Variants in DAP3 observed in about 807,000 individuals in gnomAD.
DAP3 encodes the protein death associated protein 3.
In DAP3, 28 loss-of-function variants were observed where a neutral mutation model predicts 51.9. The observed-to-expected ratio is 0.54, with a 90% CI of 0.40 to 0.74. The LOEUF is 0.74. Among genes scored for constraint, DAP3 ranks in the 30% least tolerant of loss-of-function variants. DAP3 has a pLI of 0.00. For synonymous variants in DAP3, 170 were observed against 170.3 expected, an observed-to-expected ratio of 1.00 and a Z score of 0.01; for missense variants, 458 against 483.5, an observed-to-expected ratio of 0.95 and a Z score of 0.49.
chr1:155,695,929 G>A (rs1654455488), intron 1 of DAP3, among the ~76,000 whole-genome samples: 1 of 152,128 alleles, frequency 6.6e-6, no homozygotes, highest in Non-Finnish European at 1.5e-5. Context: ...TTAAGAACTG[G>A]AAAATTTTAT....
chr1:155,729,615 TA>T (rs1486000609), intron 9 of DAP3, among the ~76,000 whole-genome samples: 3 of 151,788 alleles, frequency 2.0e-5, no homozygotes, highest in Non-Finnish European at 2.9e-5. Context: ...CCCCTGCCTC[TA>T]AAAAAATAAG....
Position 155,737,021 on chromosome 1 carries a change from A to T in DAP3, c.1069A>T (p.Ile357Phe). 1 of 1,614,064 alleles carries T rather than the reference A, an allele frequency of 6.2e-7. No homozygotes were observed. The highest frequency in any genetic ancestry group is 8.5e-7 in the Non-Finnish European group (1 of 1,179,964). Reference protein sequence around the residue: ...NYNPKEFESCIQYYLENNWLQ... With the variant: ...NYNPKEFESCFQYYLENNWLQ... The stretch of plus-strand genomic sequence containing the variant: ...TAACCCAAAGGAATTTGAAAGTTGT[A>T]TTCAGTATTATTTGGAAAACAATTG... The change falls in exon 12 of 13, where the codon ATT (isoleucine) becomes TTT (phenylalanine). Residue 357 changes from isoleucine to phenylalanine, a missense_variant. By Grantham distance (21) the Ile-to-Phe change is conservative (BLOSUM62 0). Transcript: ENST00000368336.
Position 155,707,589 on chromosome 1 carries a change from A to C in DAP3, c.-7-2184A>C, listed in dbSNP as rs552574969. The stretch of plus-strand genomic sequence containing the variant: ...TCCTGTATACAAAAAAATGAATATA[A>C]TACACATGATATGAAAATAATAAAT... On this transcript the variant is annotated intron_variant, in intron 1 of 12. Transcript: ENST00000368336. Among the ~76,000 whole-genome samples the C allele has an allele frequency of 1.2e-3, 184 of 152,294 alleles. 2 individuals are homozygous for C. The highest frequency in any genetic ancestry group is 4.3e-3 in the African/African-American group (177 of 41,558).
Position 155,738,380 on chromosome 1 carries a change from C to CT in DAP3, c.*139dup. 1 of 753,084 alleles carries CT rather than the reference C, an allele frequency of 1.3e-6. No homozygotes were observed. Among genetic ancestry groups the CT allele is most frequent in the Non-Finnish European group, 2.1e-6 (1 of 484,092 alleles). 46.7% of individuals were successfully genotyped at this position (753,084 alleles called of 1,614,324 possible). ...GGATTGGACAGGACTGCAGTTGGCT[C>CT]TGGACCTGCATTAAAATGGGTTTCA... On this transcript the variant is annotated 3_prime_UTR_variant, in exon 13 of 13. Coordinates refer to ENST00000368336, the MANE Select transcript of DAP3 (RefSeq NM_004632.4).
At chr1:155,711,444 G>A (rs1003072098) in intron 2 of DAP3, among the ~76,000 whole-genome samples, 33 of 151,856 alleles carry the variant, frequency 2.2e-4, no homozygotes, top group African/African-American at 8.0e-4. Flanking sequence ...AGTGAGCCAA[G>A]ATCACGCCAC....
chr1:155,693,651 T>C (rs1191768953), intron 1 of DAP3, among the ~76,000 whole-genome samples: 1 of 142,166 alleles, frequency 7.0e-6, no homozygotes, highest in Non-Finnish European at 1.5e-5. Context: ...TATTTTGAAG[T>C]ACCACAGCGT....
chr1:155,732,539 T>G (rs1415000904), intron 11 of DAP3, among the ~76,000 whole-genome samples: 4 of 152,092 alleles, frequency 2.6e-5, no homozygotes, highest in Non-Finnish European at 5.9e-5. Flanking sequence ...CCTTGATGCT[T>G]CTTTGTCTCC....
intron 3 of DAP3, among the ~76,000 whole-genome samples, chr1:155,720,179 G>T (rs868022286): frequency 6.6e-6 from 1 of 151,556 alleles, no homozygotes; most frequent in Non-Finnish European, 1.5e-5. Flanking sequence ...AAAAAAATGA[G>T]CCAGGTGTAG....
chr1:155,718,390 A>G (rs1657567340), intron 3 of DAP3, among the ~76,000 whole-genome samples: 1 of 151,974 alleles, frequency 6.6e-6, no homozygotes, highest in South Asian at 2.1e-4. Flanking sequence ...TGTCTTAAAA[A>G]GTATATATAT....
rs770485087 is a variant in DAP3 at position 155,738,251 on chromosome 1, C to A, written c.*9C>A. 2.5e-6 allele frequency: 4 copies of A among 1,613,992 alleles called. No individual in the cohort carries two copies. Among genetic ancestry groups the A allele is most frequent in the African/African-American group, 1.3e-5 (1 of 74,948 alleles). On this transcript the variant is annotated 3_prime_UTR_variant, in exon 13 of 13. Transcript: ENST00000368336. ...ACTGTGCCTACCTCTAAGCCAAGAT[C>A]ACAGCATGTGAGGAAGACAGTGGAC...
intron 1 of DAP3, among the ~76,000 whole-genome samples, chr1:155,698,202 C>T (rs348194): frequency 0.089 from 13,472 of 151,958 alleles, 2,100 homozygotes; most frequent in African/African-American, 0.31. Context: ...CCCCAGCTTA[C>T]GAAGATGACG....
intron 1 of DAP3, among the ~76,000 whole-genome samples, chr1:155,691,275 TCCTC>T (rs1422845692): frequency 1.4e-5 from 2 of 141,662 alleles, no homozygotes; most frequent in Admixed American, 1.3e-4. Context: ...TGCTTTCCAT[TCCTC>T]CCTCCCATTG....
chr1:155,701,688 T>TAAAAA (rs766433912), intron 1 of DAP3, among the ~76,000 whole-genome samples: 1 of 112,068 alleles, frequency 8.9e-6, no homozygotes, highest in Non-Finnish European at 2.0e-5. Flanking sequence ...AAAAATAAAT[T>TAAAAA]AAAAAAAAAA....
intron 1 of DAP3, among the ~76,000 whole-genome samples, chr1:155,693,175 G>A (rs1172603966): frequency 2.8e-5 from 4 of 141,704 alleles, no homozygotes; most frequent in East Asian, 1.9e-4. Context: ...CACATCAAAC[G>A]TGGAATCAAT....
chr1:155,707,285 C>T (rs1479594287), intron 1 of DAP3, among the ~76,000 whole-genome samples: 4 of 151,050 alleles, frequency 2.6e-5, no homozygotes, highest in Non-Finnish European at 4.4e-5. Flanking sequence ...TGGTGGTGGG[C>T]GCCTGTAGTC....
intron 2 of DAP3, among the ~76,000 whole-genome samples, chr1:155,710,991 G>A (rs1050201983): frequency 1.3e-5 from 2 of 152,036 alleles, no homozygotes; most frequent in Non-Finnish European, 2.9e-5. Flanking sequence ...GAAAGACTTG[G>A]TCATTTTCAG....
intron 1 of DAP3, among the ~76,000 whole-genome samples, chr1:155,694,521 C>T (rs1654272738): frequency 7.1e-6 from 1 of 141,590 alleles, no homozygotes; most frequent in Non-Finnish European, 1.5e-5. Flanking sequence ...TTTTCTTCTG[C>T]AAGGTGGGTC....
At position 155,738,279 on chromosome 1, in the gene DAP3, C is replaced by T; in HGVS notation, c.*37C>T. 1 of 1,608,712 alleles carries T rather than the reference C, an allele frequency of 6.2e-7. No individual in the cohort carries two copies. On this transcript the variant is annotated 3_prime_UTR_variant, in exon 13 of 13. Coordinates refer to ENST00000368336, the MANE Select transcript of DAP3 (RefSeq NM_004632.4). ...AGCATGTGAGGAAGACAGTGGACAT[C>T]TGCTTTATGCTGGACCCAGTAAGAT...
upstream of DAP3, chr1:155,688,821 C>T (rs1653183343): frequency 5.7e-6 from 9 of 1,570,288 alleles, 1 homozygote; most frequent in South Asian, 8.2e-5. Flanking sequence ...GGGACTGTTC[C>T]ATTCCTGGCG....
Sources: allele counts gnomAD v4.1 joint callset (sites outside exome capture counted in the v4.1 genomes callset), GRCh38; gene constraint gnomAD v4.1.1; transcripts MANE v1.5; gene names NCBI Gene and HGNC (gene_info 2026-07-23, HGNC 2026-07-21).